The following CSMD1 variants were observed in gnomAD, a reference collection of about 807,000 sequenced individuals.
CSMD1 encodes the protein CUB and Sushi multiple domains 1.
A neutral mutation model predicts 417.5 loss-of-function variants in CSMD1; 213 were observed. The observed-to-expected ratio is 0.51, with a 90% confidence interval of 0.46 to 0.57. The LOEUF (loss-of-function observed/expected upper bound fraction) is 0.57, where lower values mean the gene tolerates loss of function less well. Among genes scored for constraint, CSMD1 ranks in the 20% least tolerant of loss-of-function variants. The pLI, the probability that CSMD1 is intolerant of heterozygous loss-of-function variation, is 0.00. For missense variants in CSMD1, 6,923 were observed against 4,529.7 expected, an observed-to-expected ratio of 1.53 and a Z score of -15.17; for synonymous variants, 2,862 against 1,736.8, an observed-to-expected ratio of 1.65 and a Z score of -16.11.
chr8:4,645,675 G>C (rs1316669644), intron 1 of CSMD1, among the ~76,000 whole-genome samples: 1 of 151,996 alleles, frequency 6.6e-6, no homozygotes, highest in Non-Finnish European at 1.5e-5. Flanking sequence ...ACACAGAAAA[G>C]AAAAAAGATG....
chr8:3,384,968 A>ATT (rs1491052086), intron 18 of CSMD1, among the ~76,000 whole-genome samples: 1 of 109,560 alleles, frequency 9.1e-6, no homozygotes, highest in Non-Finnish European at 1.7e-5. Context: ...TATAATATAT[A>ATT]TGCATATATA....
intron 5 of CSMD1, among the ~76,000 whole-genome samples, chr8:3,904,823 G>C (rs767381910): frequency 6.6e-6 from 1 of 151,884 alleles, no homozygotes; most frequent in African/African-American, 2.4e-5. Flanking sequence ...TTTTAGTAAA[G>C]ATGGGGTTTT....
At chr8:3,307,445 T>C (rs1379384202) in intron 25 of CSMD1, among the ~76,000 whole-genome samples, 1 of 152,112 alleles carries the variant, frequency 6.6e-6, no homozygotes, top group Non-Finnish European at 1.5e-5. Context: ...ATTTGGGGGA[T>C]AGTTTGTTAT....
intron 42 of CSMD1, among the ~76,000 whole-genome samples, chr8:3,114,794 T>C (rs895625909): frequency 6.6e-6 from 1 of 152,228 alleles, no homozygotes; most frequent in African/African-American, 2.4e-5. Context: ...TTAAAAAATA[T>C]GTATGTAATA....
chr8:4,210,199 T>G (rs149577805), intron 3 of CSMD1, among the ~76,000 whole-genome samples: 1,896 of 152,222 alleles, frequency 0.012, 19 homozygotes, highest in Middle Eastern at 0.02. Context: ...GCTCCTTCAC[T>G]CCCTCCCCAA....
chr8:3,592,308 G>A (rs2469362), intron 8 of CSMD1, among the ~76,000 whole-genome samples: 131,585 of 152,068 alleles, frequency 0.87, 57,253 homozygotes, highest in African/African-American at 0.9. Context: ...ATATACTTCA[G>A]TACTCATAAA....
At chr8:3,487,116 A>G (rs1464847357) in intron 11 of CSMD1, among the ~76,000 whole-genome samples, 1 of 152,232 alleles carries the variant, frequency 6.6e-6, no homozygotes, top group East Asian at 1.9e-4. Context: ...AGAGTGTACT[A>G]GCATTATACA....
At chr8:3,386,366 C>T (rs1461953933) in intron 18 of CSMD1, among the ~76,000 whole-genome samples, 2 of 152,154 alleles carry the variant, frequency 1.3e-5, no homozygotes, top group Non-Finnish European at 2.9e-5. Context: ...GCCCAGAGTG[C>T]AGCATTCCCA....
At chr8:4,866,121 T>A (rs1238058099) in intron 1 of CSMD1, among the ~76,000 whole-genome samples, 1 of 151,972 alleles carries the variant, frequency 6.6e-6, no homozygotes, top group Non-Finnish European at 1.5e-5. Flanking sequence ...TAATTCAAAG[T>A]GACTAGAATT....
intron 15 of CSMD1, among the ~76,000 whole-genome samples, chr8:3,402,665 G>A (rs1256544530): frequency 6.6e-6 from 1 of 152,082 alleles, no homozygotes; most frequent in Non-Finnish European, 1.5e-5. Flanking sequence ...TTATGGTATG[G>A]ATAATTTCTC....
chr8:4,197,191 C>T (rs926927470), intron 3 of CSMD1, among the ~76,000 whole-genome samples: 2 of 152,144 alleles, frequency 1.3e-5, no homozygotes, highest in East Asian at 1.9e-4. Flanking sequence ...TATAAAAGTC[C>T]TAGCATTTTC....
In CSMD1 at chr8:4,611,517, C is replaced by T. The variant is rs1047755511; in HGVS notation, c.302+25825G>A. ...ATATAAAACTTGTGGATAAAACTAT[C>T]GCAATTTATTAAGACCCGTATATGT... On this transcript the variant is annotated intron_variant, in intron 2 of 69. Coordinates refer to ENST00000635120, the MANE Select transcript of CSMD1 (RefSeq NM_033225.6). Among the ~76,000 whole-genome samples the T allele has an allele frequency of 2.6e-5, 4 of 152,124 alleles. No homozygotes were observed. The East Asian group carries it at 5.8e-4, about 22-fold the overall frequency.
intron 1 of CSMD1, among the ~76,000 whole-genome samples, chr8:4,925,368 A>G (rs1585341162): frequency 1.3e-5 from 2 of 151,526 alleles, no homozygotes; most frequent in East Asian, 3.9e-4. Context: ...GAAACCTGAC[A>G]TTTCTTTAGC....
intron 1 of CSMD1, among the ~76,000 whole-genome samples, chr8:4,739,488 T>C (rs1030771517): frequency 5.9e-5 from 9 of 152,184 alleles, no homozygotes; most frequent in Non-Finnish European, 7.4e-5. Flanking sequence ...TAATGATAGA[T>C]GAAGTAACAA....
intron 1 of CSMD1, among the ~76,000 whole-genome samples, chr8:4,977,631 G>C (rs940666650): frequency 6.6e-6 from 1 of 152,188 alleles, no homozygotes; most frequent in Non-Finnish European, 1.5e-5. Flanking sequence ...CACAGCTGCT[G>C]CCTTACCCCA....
At chr8:4,097,511 G>C (rs1049647430) in intron 3 of CSMD1, among the ~76,000 whole-genome samples, 9 of 152,116 alleles carry the variant, frequency 5.9e-5, no homozygotes, top group Non-Finnish European at 2.9e-5. Context: ...TGAATGTCTT[G>C]TTGCCCCTGG....
chr8:4,636,399 A>T (rs1373756560), intron 2 of CSMD1, among the ~76,000 whole-genome samples: 1 of 152,198 alleles, frequency 6.6e-6, no homozygotes. Flanking sequence ...CAAATTACGA[A>T]TAGATTGTAC....
At chr8:4,665,665 G>A (rs1219136715) in intron 1 of CSMD1, among the ~76,000 whole-genome samples, 2 of 152,220 alleles carry the variant, frequency 1.3e-5, no homozygotes, top group African/African-American at 4.8e-5. Flanking sequence ...CGCATTCAAG[G>A]TCCACCCACG....
At chr8:3,798,913 T>G (rs1800309442) in intron 5 of CSMD1, among the ~76,000 whole-genome samples, 1 of 152,050 alleles carries the variant, frequency 6.6e-6, no homozygotes. Context: ...AGAAGAAATG[T>G]GGAGTCAAGC....
Sources: gnomAD v4.1 joint callset for allele counts (sites outside exome capture counted in the v4.1 genomes callset) on GRCh38, gnomAD v4.1.1 for gene constraint, MANE v1.5 for transcripts, NCBI Gene and HGNC (gene_info 2026-07-23, HGNC 2026-07-21) for gene names.